WNT5B: variants seen among roughly 807,000 people sequenced by gnomAD.
The protein encoded by WNT5B is Wnt family member 5B.
WNT5B carries 18 observed loss-of-function variants against 36.5 expected under a neutral mutation model. The observed-to-expected ratio is 0.49, with a 90% CI of 0.34 to 0.73. The LOEUF (loss-of-function observed/expected upper bound fraction) is 0.73, where lower values mean the gene tolerates loss of function less well. WNT5B is among the 30% of genes least tolerant of loss of function. The pLI, the probability that WNT5B is intolerant of heterozygous loss-of-function variation, is 0.01. For synonymous variants in WNT5B, 213 were observed against 212.3 expected (o/e 1.00, Z -0.03); for missense variants, 424 against 508.4 (o/e 0.83, Z 1.60).
intron 4 of WNT5B, among the ~76,000 whole-genome samples, chr12:1,641,567 C>A (rs1323631394): frequency 3.9e-5 from 6 of 152,066 alleles, no homozygotes; most frequent in Non-Finnish European, 8.8e-5. Context: ...CTTTGGGAGG[C>A]TGAGGCGGGT....
At chr12:1,634,107 A>T (rs1255184720) in intron 3 of WNT5B, among the ~76,000 whole-genome samples, 1 of 152,154 alleles carries the variant, frequency 6.6e-6, no homozygotes, top group Non-Finnish European at 1.5e-5. Flanking sequence ...ACACATTGAA[A>T]CTTGCTGCTC....
intron 4 of WNT5B, among the ~76,000 whole-genome samples, chr12:1,642,596 G>T (rs1372367833): frequency 1.3e-5 from 2 of 152,186 alleles, no homozygotes; most frequent in East Asian, 3.9e-4. Context: ...CAGATTCACG[G>T]AGGCTGCTTG....
intron 3 of WNT5B, among the ~76,000 whole-genome samples, chr12:1,639,297 C>T (rs1199066341): frequency 2.0e-5 from 3 of 151,510 alleles, no homozygotes; most frequent in Non-Finnish European, 4.4e-5. Context: ...GCCACCACGC[C>T]CGGCTAATTT....
chr12:1,640,048 G>A, intron 4 of WNT5B, 72 bp downstream of exon 4: 1 of 1,511,014 alleles, frequency 6.6e-7, no homozygotes, highest in Non-Finnish European at 8.8e-7. Flanking sequence ...GCCACCAGCC[G>A]TGGCCTGGCC....
chr12:1,645,242 T>C (rs2094583225), intron 4 of WNT5B, among the ~76,000 whole-genome samples: 1 of 152,166 alleles, frequency 6.6e-6, no homozygotes, highest in African/African-American at 2.4e-5. Context: ...TTTGTTTTGT[T>C]TTGCTTTGTT....
chr12:1,617,952 A>C (rs10160855), intron 1 of WNT5B, among the ~76,000 whole-genome samples: 81,290 of 151,934 alleles, frequency 0.54, 22,603 homozygotes, highest in Middle Eastern at 0.6. Flanking sequence ...CAGCCTGGAC[A>C]ATATAGGGAG....
In WNT5B at chr12:1,623,191, T is replaced by TG. The variant is rs2094536413; in HGVS notation, c.-58+6048_-58+6049insG. ...ACCTTTGAAGGGTTTTTTGTTGTTT[T>TG]TTTTTTTTTTTTTTTTTTTTTTGAG... On this transcript the variant is annotated intron_variant, in intron 1 of 4. Transcript: ENST00000310594. Among the ~76,000 whole-genome samples, 5 of 106,244 alleles carry TG rather than the reference T, an allele frequency of 4.7e-5. 1 individual carries two copies. The highest frequency in any genetic ancestry group is 2.0e-4 in the African/African-American group (5 of 24,928). The allele number at this position is 106,244 out of a possible 152,430, so 69.7% of individuals were successfully genotyped here.
rs547899740 is a variant in WNT5B, at chr12:1,617,997, C to G, written c.-58+854C>G. 5.9e-5 allele frequency among the ~76,000 whole-genome samples: 9 copies of G among 152,218 alleles called. No individual in the cohort carries two copies. In the East Asian group the frequency reaches 1.7e-3, roughly 29 times the overall value. ...TCCACAAAAGAATTTAAAAACTTAA[C>G]CAGACACAGTGGCTTACACCTGTAG... is the stretch of plus-strand genomic sequence containing the variant. On this transcript the variant is annotated intron_variant, in intron 1 of 4. Coordinates refer to the WNT5B transcript ENST00000310594.
chr12:1,626,695 G>T (rs1244691545), upstream of WNT5B, among the ~76,000 whole-genome samples: 8 of 152,118 alleles, frequency 5.3e-5, no homozygotes, highest in East Asian at 1.4e-3. Context: ...CTCCTGAGTA[G>T]CTGGGACTAC....
intron 1 of WNT5B, among the ~76,000 whole-genome samples, chr12:1,619,464 G>A (rs901136078): frequency 2.0e-5 from 3 of 152,162 alleles, no homozygotes; most frequent in African/African-American, 7.2e-5. Context: ...ATTGAGCTGA[G>A]AAGAAAGATG....
intron 3 of WNT5B, among the ~76,000 whole-genome samples, chr12:1,634,011 G>A (rs2270032): frequency 0.68 from 103,694 of 152,022 alleles, 35,879 homozygotes; most frequent in South Asian, 0.77. Context: ...TTCAAGACCA[G>A]CCTGGGTAAC....
chr12:1,634,043 TA>T (rs200584534), intron 3 of WNT5B, among the ~76,000 whole-genome samples: 3 of 152,144 alleles, frequency 2.0e-5, no homozygotes, highest in Admixed American at 6.5e-5. Context: ...TCTGTCTCTA[TA>T]AAAAAAATTT....
chr12:1,630,386 CG>C lies in WNT5B; in HGVS notation c.-57-907del, dbSNP rs951129552. Among the ~76,000 whole-genome samples, 5 of 152,158 alleles carry C rather than the reference CG, an allele frequency of 3.3e-5. No individual in the cohort carries two copies. Among genetic ancestry groups the C allele is most frequent in the Admixed American group, 2.0e-4 (3 of 15,306 alleles). ...CCCAGGGCCTGGGGACAGGGGCTCT[CG>C]GGGGCGGATAGAGGAACAGGCGTGG... On this transcript the variant is annotated intron_variant, in intron 1 of 4. Coordinates refer to ENST00000397196, the MANE Select transcript of WNT5B (RefSeq NM_032642.3). This position sits in a 1 kb window ranked among gnomAD's most constrained non-coding sequence, Gnocchi z 5.3.
chr12:1,637,364 G>C (rs116114079), intron 3 of WNT5B, among the ~76,000 whole-genome samples: 1 of 152,060 alleles, frequency 6.6e-6, no homozygotes, highest in Non-Finnish European at 1.5e-5. Context: ...TTGCAGATTT[G>C]GTTCCACCGT....
At chr12:1,635,979 C>T (rs2094559899) in intron 3 of WNT5B, among the ~76,000 whole-genome samples, 1 of 152,090 alleles carries the variant, frequency 6.6e-6, no homozygotes, top group African/African-American at 2.4e-5. Context: ...GAAGTAGGGC[C>T]AAGGGAGAGA....
chr12:1,639,546 G>A, intron 3 of WNT5B, 138 bp from the exon 4 acceptor site: 1 of 892,318 alleles, frequency 1.1e-6, no homozygotes, highest in Non-Finnish European at 1.6e-6. Context: ...AAGCGTTAGA[G>A]CTACGGGAAG....
chr12:1,634,940 G>GGCT (rs2094557935), intron 3 of WNT5B, among the ~76,000 whole-genome samples: 1 of 152,192 alleles, frequency 6.6e-6, no homozygotes, highest in African/African-American at 2.4e-5. Context: ...AGTAGCTCAC[G>GGCT]GCTGCTTTTT....
chr12:1,641,566 G>T (rs550293669), intron 4 of WNT5B, among the ~76,000 whole-genome samples: 2 of 152,136 alleles, frequency 1.3e-5, no homozygotes, highest in Non-Finnish European at 2.9e-5. Context: ...ACTTTGGGAG[G>T]CTGAGGCGGG....
Position 1,631,362 on chromosome 12 carries a change from G to T in WNT5B, c.8G>T (p.Ser3Ile). Residue 3 changes from serine (S) to isoleucine (I), a missense_variant, in exon 2 of 5, where the codon AGC becomes ATC. By Grantham distance (142) the Ser-to-Ile change is moderately radical (BLOSUM62 -2). Coordinates refer to ENST00000397196, the MANE Select transcript of WNT5B (RefSeq NM_032642.3). MP[S>I]LLLLFTAALL... ...GGAGGGCTGAGGCCGACCATGCCCAGCCTGCTGCTGCTGTTCACGGCTGCT... is the reference window on the plus strand; with the variant it reads ...GGAGGGCTGAGGCCGACCATGCCCATCCTGCTGCTGCTGTTCACGGCTGCT... 6.2e-7 allele frequency: 1 copy of T among 1,614,184 alleles called. No homozygotes were observed. The highest frequency in any genetic ancestry group is 8.5e-7 in the Non-Finnish European group (1 of 1,180,028).
Sources: gnomAD v4.1 joint callset for allele counts (sites outside exome capture counted in the v4.1 genomes callset) on GRCh38, gnomAD v4.1.1 for gene constraint, Gnocchi (gnomAD v3.1) non-coding constraint, MANE v1.5 for transcripts, NCBI Gene and HGNC (gene_info 2026-07-23, HGNC 2026-07-21) for gene names.